The following RXFP1 variants were observed in gnomAD, a reference collection of about 807,000 sequenced individuals.
RXFP1 encodes the protein relaxin receptor 1.
RXFP1 carries 73 observed loss-of-function variants against 89.8 expected under a neutral mutation model. The ratio of observed to expected loss-of-function variants is 0.81; its 90% CI spans 0.67 to 0.99. The LOEUF (loss-of-function observed/expected upper bound fraction) is 0.99. Among genes scored for constraint, RXFP1 ranks in the 50% least tolerant of loss-of-function variants. The pLI is 0.00. For missense variants in RXFP1, 793 were observed against 895.5 expected, an observed-to-expected ratio of 0.89 and a Z score of 1.46; for synonymous variants, 277 against 305.5, an observed-to-expected ratio of 0.91 and a Z score of 0.97.
At chr4:158,561,046 T>C (rs1752331828) in intron 1 of RXFP1, among the ~76,000 whole-genome samples, 1 of 152,248 alleles carries the variant, frequency 6.6e-6, no homozygotes. Context: ...TCAAAAACCG[T>C]GTTTGCCTTC....
At position 158,629,703 on chromosome 4, in the gene RXFP1, C is replaced by T. The variant is rs942590856; in HGVS notation, c.899+994C>T. 2.6e-5 allele frequency among the ~76,000 whole-genome samples: 4 copies of T among 151,976 alleles called. No homozygotes were observed. In the South Asian group the frequency reaches 6.2e-4, roughly 24 times the overall value. On this transcript the variant is annotated intron_variant, in intron 11 of 17. Coordinates refer to ENST00000307765, the MANE Select transcript of RXFP1 (RefSeq NM_021634.4). ...GTGCAATGGTACAATCATAGCTCAC[C>T]GTAACCTCGAACTCCTTGGACTCAA...
chr4:158,580,981 GGTT>G (rs1051472703), intron 2 of RXFP1, among the ~76,000 whole-genome samples: 4 of 152,050 alleles, frequency 2.6e-5, no homozygotes, highest in African/African-American at 7.2e-5. Flanking sequence ...ATAGAGACAG[GGTT>G]TCACCATGTG....
intron 1 of RXFP1, among the ~76,000 whole-genome samples, chr4:158,553,726 G>C (rs1393082609): frequency 6.6e-6 from 1 of 152,136 alleles, no homozygotes; most frequent in African/African-American, 2.4e-5. Flanking sequence ...TAGGGGGAAA[G>C]GGATTCTAGT....
intron 4 of RXFP1, among the ~76,000 whole-genome samples, chr4:158,604,393 G>T (rs1030339658): frequency 1.8e-4 from 28 of 152,002 alleles, no homozygotes; most frequent in Non-Finnish European, 3.1e-4. Context: ...CACTGGTTTT[G>T]GTTTTTTTAT....
chr4:158,628,731 C>G, intron 11 of RXFP1, 22 bp downstream of exon 11: 1 of 1,341,216 alleles, frequency 7.5e-7, no homozygotes, highest in Non-Finnish European at 1.0e-6. Flanking sequence ...TGAACATATA[C>G]TGATAAGAAT....
At chr4:158,603,838 C>T (rs937792435) in intron 4 of RXFP1, among the ~76,000 whole-genome samples, 4 of 150,282 alleles carry the variant, frequency 2.7e-5, no homozygotes, top group Non-Finnish European at 4.4e-5. Flanking sequence ...TGCAGTGAGC[C>T]GAGATCATGT....
intron 9 of RXFP1, among the ~76,000 whole-genome samples, chr4:158,622,055 A>G (rs1012480435): frequency 3.9e-5 from 6 of 152,240 alleles, no homozygotes; most frequent in African/African-American, 1.4e-4. Flanking sequence ...TTACGCCTGT[A>G]ATCCCAACAC....
chr4:158,560,517 G>C (rs939231634), intron 1 of RXFP1, among the ~76,000 whole-genome samples: 1 of 152,172 alleles, frequency 6.6e-6, no homozygotes, highest in Admixed American at 6.5e-5. Context: ...GTTTCTCGAT[G>C]TATCAGTTAG....
At chr4:158,608,370 C>T (rs1392669388) in intron 6 of RXFP1, among the ~76,000 whole-genome samples, 1 of 143,854 alleles carries the variant, frequency 7.0e-6, no homozygotes, top group Non-Finnish European at 1.5e-5. Context: ...TCACTGCAGC[C>T]TCCGCCTTCC....
At chr4:158,551,538 GATT>G (rs112088865) in intron 1 of RXFP1, among the ~76,000 whole-genome samples, 30,616 of 151,970 alleles carry the variant, frequency 0.2, 4,143 homozygotes, top group African/African-American at 0.37. Context: ...ATAAGATGAT[GATT>G]ATGTTAATTG....
intron 14 of RXFP1, among the ~76,000 whole-genome samples, chr4:158,640,273 A>G (rs1193286153): frequency 1.3e-5 from 2 of 152,208 alleles, no homozygotes; most frequent in Admixed American, 6.5e-5. Flanking sequence ...GTTCACAGAT[A>G]TTGATGTTTG....
chr4:158,527,566 T>A (rs868579455), intron 1 of RXFP1, among the ~76,000 whole-genome samples: 71 of 28,980 alleles, frequency 2.4e-3, no homozygotes, highest in African/African-American at 4.1e-3. Context: ...AAAAAAAAAA[T>A]ATATATATAT....
chr4:158,602,155 A>G (rs924698786), intron 4 of RXFP1, among the ~76,000 whole-genome samples: 8 of 152,232 alleles, frequency 5.3e-5, no homozygotes, highest in African/African-American at 1.9e-4. Flanking sequence ...GAATAACAGC[A>G]TCTACCTCTT....
intron 1 of RXFP1, chr4:158,543,933 T>G (rs1747503118): frequency 1.6e-5 from 16 of 985,242 alleles, no homozygotes; most frequent in Non-Finnish European, 1.9e-5. Flanking sequence ...GATATAGTAG[T>G]ATCTGCCTCT....
At chr4:158,631,691 A>T (rs982509645) in intron 11 of RXFP1, among the ~76,000 whole-genome samples, 5 of 152,190 alleles carry the variant, frequency 3.3e-5, no homozygotes, top group African/African-American at 1.2e-4. Flanking sequence ...GAGCATGGGG[A>T]TTAAAATACT....
intron 17 of RXFP1, among the ~76,000 whole-genome samples, chr4:158,650,628 C>T (rs911445380): frequency 4.0e-5 from 6 of 151,630 alleles, no homozygotes; most frequent in African/African-American, 7.3e-5. Context: ...AATTTAGCTG[C>T]GCCTGGTGGC....
intron 1 of RXFP1, among the ~76,000 whole-genome samples, chr4:158,544,853 G>T (rs568544825): frequency 1.3e-5 from 2 of 152,258 alleles, no homozygotes; most frequent in South Asian, 4.2e-4. Context: ...ATCATTGATG[G>T]ACATTTGGGT....
intron 9 of RXFP1, among the ~76,000 whole-genome samples, chr4:158,617,484 C>T (rs1764828082): frequency 6.6e-6 from 1 of 151,160 alleles, no homozygotes; most frequent in Admixed American, 6.6e-5. Context: ...AGGAATGTCA[C>T]CACATCTATG....
At chr4:158,586,027 T>C (rs1758248566) in intron 2 of RXFP1, among the ~76,000 whole-genome samples, 2 of 152,250 alleles carry the variant, frequency 1.3e-5, no homozygotes, top group Admixed American at 1.3e-4. Flanking sequence ...AATCCCATAA[T>C]GCAGTTCTTC....
Sources: allele counts gnomAD v4.1 joint callset (sites outside exome capture counted in the v4.1 genomes callset), GRCh38; gene constraint gnomAD v4.1.1; transcripts MANE v1.5; gene names NCBI Gene and HGNC (gene_info 2026-07-23, HGNC 2026-07-21).